SRFBP1: variants seen among roughly 807,000 people sequenced by gnomAD.
SRFBP1 encodes the protein serum response factor-binding protein 1.
Under a neutral mutation model 45.5 loss-of-function variants are expected in SRFBP1, and 47 were observed. The observed-to-expected ratio is 1.03, with a 90% CI of 0.82 to 1.32. The LOEUF is 1.32. SRFBP1 is among the 40% of genes most tolerant of loss of function. The pLI, the probability that SRFBP1 is intolerant of heterozygous loss-of-function variation, is 0.00. For synonymous variants in SRFBP1, 203 were observed against 166.3 expected (o/e 1.22, Z -1.70); for missense variants, 621 against 484.6 (o/e 1.28, Z -2.64).
chr5:122,006,386 G>T (rs1561588968), intron 4 of SRFBP1, among the ~76,000 whole-genome samples: 1 of 152,048 alleles, frequency 6.6e-6, no homozygotes, highest in South Asian at 2.1e-4. Context: ...TCTTTGGATT[G>T]AATCTCACTG....
chr5:122,020,506 G>A lies in SRFBP1; in HGVS notation c.771G>A (p.Glu257=). ...GCGGAGAAGAATTTTGTGAAGAGGA[G>A]AAGGAATATTTTGATGATAGCACAG... is the stretch of plus-strand genomic sequence containing the variant. ...SDGGEEFCEE[E]KEYFDDSTEE... Residue 257 remains glutamate, a synonymous_variant, in exon 6 of 8, where the codon GAG becomes GAA. Transcript: ENST00000339397. 1.9e-6 allele frequency: 3 copies of A among 1,614,154 alleles called. No homozygotes were observed. The highest frequency in any genetic ancestry group is 2.5e-6 in the Non-Finnish European group (3 of 1,180,004).
At chr5:122,053,531 A>G (rs1382479745) in intron 2 of SRFBP1, among the ~76,000 whole-genome samples, 2 of 151,918 alleles carry the variant, frequency 1.3e-5, no homozygotes, top group Non-Finnish European at 2.9e-5. Flanking sequence ...CTACCTGGCT[A>G]TCAGTGGCAG....
At chr5:122,006,683 T>G (rs1752982169) in intron 4 of SRFBP1, among the ~76,000 whole-genome samples, 1 of 152,164 alleles carries the variant, frequency 6.6e-6, no homozygotes, top group South Asian at 2.1e-4. Flanking sequence ...CTGCTGTTGG[T>G]GTTCTCCATT....
chr5:122,075,344 C>CA, exon 3 of SRFBP1: 1 of 1,450,054 alleles, frequency 6.9e-7, no homozygotes, highest in Non-Finnish European at 9.2e-7. Flanking sequence ...TTTGTGATAT[C>CA]AAAAATCACC....
At chr5:121,980,717 G>T (rs1313549084) in intron 3 of SRFBP1, among the ~76,000 whole-genome samples, 1 of 152,020 alleles carries the variant, frequency 6.6e-6, no homozygotes, top group Non-Finnish European at 1.5e-5. Context: ...TCGAATAAGT[G>T]GTTGTTTGAA....
At chr5:121,974,106 G>A in intron 1 of SRFBP1, 90 bp from the exon 2 acceptor site, 1 of 823,530 alleles carries the variant, frequency 1.2e-6, no homozygotes, top group Non-Finnish European at 2.0e-6. Flanking sequence ...TAAAGTGGTA[G>A]ACTAAGTCTC....
Position 122,020,167 on chromosome 5 carries a change from T to C in SRFBP1, c.432T>C (p.His144=). 1 of 1,608,940 alleles carries C rather than the reference T, an allele frequency of 6.2e-7. No individual in the cohort carries two copies. Among genetic ancestry groups the C allele is most frequent in the South Asian group, 1.1e-5 (1 of 89,504 alleles). Residue 144 remains histidine, a synonymous_variant, in exon 6 of 8, where the codon CAT becomes CAC. Transcript: ENST00000339397. ...ESSKNASEDN[H]SENTLYSNDN... ...CAAAGAATGCTTCAGAGGACAATCATTCTGAGAATACTTTGTATTCAAATG... is the reference window on the plus strand; with the variant it reads ...CAAAGAATGCTTCAGAGGACAATCACTCTGAGAATACTTTGTATTCAAATG...
intron 1 of SRFBP1, among the ~76,000 whole-genome samples, chr5:121,967,338 T>A (rs1032788951): frequency 2.2e-4 from 34 of 152,160 alleles, no homozygotes; most frequent in African/African-American, 7.7e-4. Flanking sequence ...ATTAGGGCAT[T>A]TCCGTAAGAA....
chr5:121,975,514 T>C, intron 3 of SRFBP1, 127 bp downstream of exon 3: 2 of 996,688 alleles, frequency 2.0e-6, no homozygotes, highest in Non-Finnish European at 3.1e-6. Context: ...TGTATCAGTC[T>C]GTTTGGTGAA....
At chr5:122,046,226 G>T (rs1580542840) in intron 2 of SRFBP1, among the ~76,000 whole-genome samples, 1 of 151,740 alleles carries the variant, frequency 6.6e-6, no homozygotes. Flanking sequence ...GCCCCAATGT[G>T]TGATGTTCCC....
At chr5:122,070,397 T>G in intron 2 of SRFBP1, 1 of 704,044 alleles carries the variant, frequency 1.4e-6, no homozygotes, top group Admixed American at 2.6e-5. Flanking sequence ...GGATGTATAA[T>G]TGCTTCCAAT....
chr5:121,980,475 C>T (rs566903907), intron 3 of SRFBP1, among the ~76,000 whole-genome samples: 18 of 152,176 alleles, frequency 1.2e-4, no homozygotes, highest in Non-Finnish European at 2.4e-4. Flanking sequence ...TGGCTACATC[C>T]GTTAAAACGT....
chr5:122,048,255 AG>A (rs1472954775), intron 2 of SRFBP1, among the ~76,000 whole-genome samples: 1 of 152,070 alleles, frequency 6.6e-6, no homozygotes, highest in East Asian at 1.9e-4. Context: ...TTTCACATGA[AG>A]GTTGTTGAAT....
At chr5:122,052,307 G>C (rs1754002231) in intron 2 of SRFBP1, among the ~76,000 whole-genome samples, 1 of 152,020 alleles carries the variant, frequency 6.6e-6, no homozygotes, top group African/African-American at 2.4e-5. Flanking sequence ...GAGAGGTGGG[G>C]GAAGTTTTCA....
At chr5:121,978,098 C>T (rs1026766560) in intron 3 of SRFBP1, among the ~76,000 whole-genome samples, 4 of 152,092 alleles carry the variant, frequency 2.6e-5, no homozygotes, top group African/African-American at 7.2e-5. Flanking sequence ...TCAAAATGTG[C>T]AACAAGTCTC....
chr5:122,003,844 C>T (rs569087572), intron 4 of SRFBP1, among the ~76,000 whole-genome samples: 3 of 152,218 alleles, frequency 2.0e-5, no homozygotes, highest in Non-Finnish European at 4.4e-5. Context: ...ATCTGTTGGC[C>T]GTTTGAATGT....
At chr5:122,045,132 T>C (rs1407793567) in intron 2 of SRFBP1, among the ~76,000 whole-genome samples, 1 of 152,148 alleles carries the variant, frequency 6.6e-6, no homozygotes, top group East Asian at 1.9e-4. Context: ...CCACATTGCT[T>C]GTTTTTGTCA....
chr5:122,054,353 T>C (rs890401432), intron 2 of SRFBP1, among the ~76,000 whole-genome samples: 1 of 152,228 alleles, frequency 6.6e-6, no homozygotes, highest in Non-Finnish European at 1.5e-5. Context: ...GGCTCCGAGC[T>C]AAGCCCAGAC....
chr5:122,060,123 T>C (rs1047657846), intron 2 of SRFBP1, among the ~76,000 whole-genome samples: 5 of 152,134 alleles, frequency 3.3e-5, no homozygotes, highest in South Asian at 2.1e-4. Flanking sequence ...TAGTTAGATC[T>C]GCAAACGGGG....
Sources: gnomAD v4.1 joint callset for allele counts (sites outside exome capture counted in the v4.1 genomes callset) on GRCh38, gnomAD v4.1.1 for gene constraint, MANE v1.5 for transcripts, NCBI Gene and HGNC (gene_info 2026-07-23, HGNC 2026-07-21) for gene names.